Variants in ABCC3 observed in about 807,000 individuals in gnomAD.
ABCC3 encodes ATP-binding cassette sub-family C member 3.
A neutral mutation model predicts 165.3 loss-of-function variants in ABCC3; 121 were observed. The ratio of observed to expected loss-of-function variants is 0.73; its 90% CI spans 0.63 to 0.85. ABCC3 has a LOEUF of 0.85. Ranked by LOEUF, ABCC3 falls within the 40% of genes least tolerant of loss-of-function variation. The pLI is 0.00. For missense variants in ABCC3, 1,869 were observed against 1,964.1 expected, an observed-to-expected ratio of 0.95 and a Z score of 0.92; for synonymous variants, 733 against 810.1, an observed-to-expected ratio of 0.90 and a Z score of 1.62.
chr17:50,661,169 G>A, intron 8 of ABCC3, 55 bp downstream of exon 8: 1 of 1,508,476 alleles, frequency 6.6e-7, no homozygotes, highest in Non-Finnish European at 8.9e-7. Context: ...GGGCTGGCTG[G>A]CTAGCCCAGA....
chr17:50,658,460 G>A lies in ABCC3; in HGVS notation c.638G>A (p.Gly213Asp). The A allele has an allele frequency of 1.2e-6, 2 of 1,614,168 alleles. No homozygotes were observed. The highest frequency in any genetic ancestry group is 8.5e-7 in the Non-Finnish European group (1 of 1,179,998). The change falls in exon 6 of 31, where the codon GGC (glycine) becomes GAC (aspartate). Residue 213 changes from glycine (G) to aspartate (D), a missense_variant. Transcript: ENST00000285238. ...AACCCCTACCCTGAGACCAGCGCTG[G>A]CTTTCTCTCCCGCCTGTTTTTCTGG... ...DPNPYPETSAGFLSRLFFWWF... is the reference protein window; with the variant it reads ...DPNPYPETSADFLSRLFFWWF...
rs776309094 is a variant in ABCC3, at chr17:50,669,393, C to T, written c.2106C>T (p.Asn702=). 1.7e-5 allele frequency: 27 copies of T among 1,614,154 alleles called. No homozygotes were observed. The highest frequency in any genetic ancestry group is 3.3e-5 in the Admixed American group (2 of 60,014). The change falls in exon 17 of 31, where the codon AAC becomes AAT. Residue 702 remains asparagine (N), a synonymous_variant. Transcript: ENST00000285238. Reference sequence around the variant, plus strand: ...TGCCCCAGCAGGCATGGATCCAGAACTGCACTCTTCAGGAAAACGTGCTTT... The same window carrying T: ...TGCCCCAGCAGGCATGGATCCAGAATTGCACTCTTCAGGAAAACGTGCTTT... ...AYVPQQAWIQ[N]CTLQENVLFG... is the part of the protein sequence containing the mutation.
intron 29 of ABCC3, 92 bp downstream of exon 29, chr17:50,684,967 T>C: frequency 7.0e-7 from 1 of 1,436,376 alleles, no homozygotes; most frequent in Non-Finnish European, 9.5e-7. Flanking sequence ...GACACAGAGA[T>C]GAGGCCAGCC....
chr17:50,691,107 C>G lies in ABCC3; in HGVS notation c.4491C>G (p.Asp1497Glu). The G allele has an allele frequency of 6.2e-7, 1 of 1,613,894 alleles. No homozygotes were observed. Among genetic ancestry groups the G allele is most frequent in the Non-Finnish European group, 8.5e-7 (1 of 1,179,800 alleles). Reference sequence around the variant, plus strand: ...TTTTGACTAGGGTCCTGGTCCTGGACAAAGGAGTAGTAGCTGAATTTGATT... The same window carrying G: ...TTTTGACTAGGGTCCTGGTCCTGGAGAAAGGAGTAGTAGCTGAATTTGATT... ...IMDYTRVLVL[D>E]KGVVAEFDSP... The change falls in exon 31 of 31, where the codon GAC becomes GAG. Residue 1497 changes from aspartate (D) to glutamate (E), a missense_variant. Transcript: ENST00000285238.
intron 30 of ABCC3, 70 bp from the exon 31 acceptor site, chr17:50,691,022 G>T: frequency 8.0e-7 from 1 of 1,247,144 alleles, no homozygotes; most frequent in East Asian, 2.4e-5. Context: ...GTACCCAGAA[G>T]AGCAGGATTA....
In ABCC3 at chr17:50,673,131, C is replaced by T. The variant is rs753303819; in HGVS notation, c.2402C>T (p.Ala801Val). ...GTCATCGGGCCAGAAGGCGTGCTGGCAGGCAAGGTGAGGCCTGCCAGAGGC... is the reference window on the plus strand; with the variant it reads ...GTCATCGGGCCAGAAGGCGTGCTGGTAGGCAAGGTGAGGCCTGCCAGAGGC... Reference protein sequence around the residue: ...DHVIGPEGVLAGKTRVLVTHG... With the variant: ...DHVIGPEGVLVGKTRVLVTHG... The change falls in exon 18 of 31, where the codon GCA (alanine) becomes GTA (valine). Residue 801 changes from alanine (A) to valine (V), a missense_variant. Physicochemically the swap from Ala to Val is moderately conservative, Grantham distance 64 (BLOSUM62 0). Coordinates refer to ENST00000285238, the MANE Select transcript of ABCC3 (RefSeq NM_003786.4). 29 of 1,613,732 alleles carry T rather than the reference C, an allele frequency of 1.8e-5. No individual in the cohort carries two copies. Among genetic ancestry groups the T allele is most frequent in the Non-Finnish European group, 2.5e-5 (29 of 1,180,056 alleles).
At chr17:50,683,282 G>A (rs1967957319) in intron 26 of ABCC3, among the ~76,000 whole-genome samples, 1 of 151,316 alleles carries the variant, frequency 6.6e-6, no homozygotes. Context: ...GCTGAGGGAG[G>A]AGAATCGCTG....
chr17:50,659,096 A>C, intron 6 of ABCC3, 141 bp from the exon 7 acceptor site: 1 of 988,412 alleles, frequency 1.0e-6, no homozygotes, highest in Non-Finnish European at 1.5e-6. Flanking sequence ...GAAATGAAGG[A>C]GACACCTTTC....
intron 29 of ABCC3, chr17:50,687,251 AG>A: frequency 2.3e-6 from 1 of 438,294 alleles, no homozygotes; most frequent in South Asian, 4.3e-5. Flanking sequence ...CTAGCTGAAA[AG>A]CAAGGATGGG....
Position 50,673,206 on chromosome 17 carries a change from G to C in ABCC3, c.2409+68G>C, listed in dbSNP as rs956766923. 22 of 1,585,618 alleles carry C rather than the reference G, an allele frequency of 1.4e-5. No homozygotes were observed. The Admixed American group carries it at 3.7e-4, about 27-fold the overall frequency. Reference sequence around the variant, plus strand: ...GGCCCGAAGAGAGAGCTGGTGAGAGGCTGAGGGGTTTGGATGAGACTTGGA... The same window carrying C: ...GGCCCGAAGAGAGAGCTGGTGAGAGCCTGAGGGGTTTGGATGAGACTTGGA... On this transcript the variant is annotated intron_variant, in intron 18 of 30. Transcript: ENST00000285238.
chr17:50,675,765 C>A lies in ABCC3; in HGVS notation c.2849C>A (p.Ala950Asp). The A allele has an allele frequency of 6.4e-7, 1 of 1,568,646 alleles. No individual in the cohort carries two copies. The highest frequency in any genetic ancestry group is 8.6e-7 in the Non-Finnish European group (1 of 1,156,384). Reference protein sequence around the residue: ...DGALTQEEKAAIGTVELSVFW... With the variant: ...DGALTQEEKADIGTVELSVFW... ...GCACTGACCCAGGAGGAGAAAGCAG[C>A]CATTGGCACTGTGAGTCGGTGGGGC... Residue 950 changes from alanine to aspartate, a missense_variant, in exon 21 of 31, where the codon GCC (alanine) becomes GAC (aspartate). By Grantham distance (126) the Ala-to-Asp change is moderately radical. Coordinates refer to ENST00000285238, the MANE Select transcript of ABCC3 (RefSeq NM_003786.4).
chr17:50,635,449 A>G, intron 1 of ABCC3: 1 of 702,218 alleles, frequency 1.4e-6, no homozygotes. Flanking sequence ...CTGCTCAACC[A>G]GGTGTTTTGG....
chr17:50,662,629 C>T (rs115358192), intron 8 of ABCC3, among the ~76,000 whole-genome samples: 1,841 of 140,996 alleles, frequency 0.013, 49 homozygotes, highest in African/African-American at 0.048. Flanking sequence ...CAGAGAGAGA[C>T]CCTGTCTCAA....
In ABCC3 at chr17:50,667,749, C is replaced by T; in HGVS notation, c.1627C>T (p.Pro543Ser). 2 of 1,614,102 alleles carry T rather than the reference C, an allele frequency of 1.2e-6. No individual in the cohort carries two copies. The highest frequency in any genetic ancestry group is 1.7e-6 in the Non-Finnish European group (2 of 1,180,034). Reference sequence around the variant, plus strand: ...AACCACCTTCACCTGGATGTGCAGCCCCTTCCTGGTGAGGCTTGGCACAGG... The same window carrying T: ...AACCACCTTCACCTGGATGTGCAGCTCCTTCCTGGTGAGGCTTGGCACAGG... ...TTTTFTWMCS[P>S]FLVTLITLWV... is the part of the protein sequence containing the mutation. The change falls in exon 12 of 31, where the codon CCC becomes TCC. Residue 543 changes from proline (P) to serine (S), a missense_variant. Pro to Ser is a moderately conservative substitution (Grantham distance 74). Coordinates refer to ENST00000285238, the MANE Select transcript of ABCC3 (RefSeq NM_003786.4).
At position 50,688,363 on chromosome 17, in the gene ABCC3, C is replaced by T. The variant is rs1245048478; in HGVS notation, c.4475+633C>T. 3 of 152,384 alleles carry T rather than the reference C, an allele frequency of 2.0e-5. No homozygotes were observed. In the East Asian group the frequency reaches 5.8e-4, roughly 29 times the overall value. The allele number at this position is 152,384 out of a possible 1,614,324, so 9.4% of individuals were successfully genotyped here. ...TGAGTCCCATCACTTCCTAAGAAAC[C>T]TGCTGGCAGAGTGCCTGCATGTCCC... On this transcript the variant is annotated intron_variant, in intron 30 of 30. Coordinates refer to ENST00000285238, the MANE Select transcript of ABCC3 (RefSeq NM_003786.4).
intron 26 of ABCC3, among the ~76,000 whole-genome samples, chr17:50,680,113 C>A (rs1967902040): frequency 6.6e-6 from 1 of 152,166 alleles, no homozygotes; most frequent in African/African-American, 2.4e-5. Flanking sequence ...TTAGGTGATT[C>A]TGATTTGGTG....
chr17:50,678,344 G>T (rs974654999), intron 25 of ABCC3, 125 bp downstream of exon 25: 16 of 1,038,196 alleles, frequency 1.5e-5, no homozygotes, highest in Non-Finnish European at 1.9e-5. Context: ...CTGTTCTCAA[G>T]GACTGTGAGA....
Position 50,683,775 on chromosome 17 carries a change from G to A in ABCC3, c.3954+19G>A. 1.3e-6 allele frequency: 2 copies of A among 1,597,552 alleles called. No homozygotes were observed. The highest frequency in any genetic ancestry group is 2.3e-5 in the East Asian group (1 of 44,328). On this transcript the variant is annotated intron_variant, in intron 27 of 30. Coordinates refer to ENST00000285238, the MANE Select transcript of ABCC3 (RefSeq NM_003786.4). ...CGAGAAGGTACGCGTGGGGTAGGCG[G>A]GCCTGCGTGTGTGTTCATGCCTGCA...
At chr17:50,676,153 C>T in intron 22 of ABCC3, 63 bp downstream of exon 22, 1 of 1,603,058 alleles carries the variant, frequency 6.2e-7, no homozygotes, top group East Asian at 2.2e-5. Flanking sequence ...CTGCCAGGCC[C>T]CCCAAACCGT....
Sources: gnomAD v4.1 joint callset for allele counts (sites outside exome capture counted in the v4.1 genomes callset) on GRCh38, gnomAD v4.1.1 for gene constraint, MANE v1.5 for transcripts, NCBI Gene and HGNC (gene_info 2026-07-23, HGNC 2026-07-21) for gene names.